Variants in CAST observed in about 807,000 individuals in gnomAD.
CAST encodes the protein MIR583 host.
CAST carries 76 observed loss-of-function variants against 119.6 expected under a neutral mutation model. The ratio of observed to expected loss-of-function variants is 0.64; its 90% CI spans 0.53 to 0.77. CAST has a LOEUF of 0.77. Among genes scored for constraint, CAST ranks in the 30% least tolerant of loss-of-function variants. The pLI is 0.00. For synonymous variants in CAST, 319 were observed against 331.6 expected (o/e 0.96, Z 0.41); for missense variants, 953 against 946.5 (o/e 1.01, Z -0.09).
chr5:96,637,177 A>G (rs1747898491), intron 1 of CAST, among the ~76,000 whole-genome samples: 1 of 152,188 alleles, frequency 6.6e-6, no homozygotes, highest in Admixed American at 6.5e-5. Flanking sequence ...ATGTAATTTT[A>G]TTACTATATT....
chr5:96,747,246 C>T, intron 17 of CAST, 99 bp from the exon 18 acceptor site: 2 of 680,210 alleles, frequency 2.9e-6, no homozygotes. Flanking sequence ...AAAAAATTAG[C>T]TGACATTTCA....
chr5:96,769,388 T>C (rs973116368), intron 29 of CAST: 31 of 134,962 alleles, frequency 2.3e-4, no homozygotes, highest in African/African-American at 7.0e-4. Flanking sequence ...AAAACAGGGT[T>C]TTTTTTTGTT....
At chr5:96,028,898 A>G in the CAST span, among the ~76,000 whole-genome samples, 2,163 of 152,216 alleles carry the variant, frequency 0.014, 40 homozygotes, top group African/African-American at 0.049. Flanking sequence ...TGAGACTGTG[A>G]TACTGGTGAT....
chr5:96,486,632 A>G, the CAST span, among the ~76,000 whole-genome samples: 1 of 152,188 alleles, frequency 6.6e-6, no homozygotes, highest in Non-Finnish European at 1.5e-5. Flanking sequence ...CCTCCACTGC[A>G]TCAGCATTTC....
chr5:96,488,482 G>C, the CAST span, among the ~76,000 whole-genome samples: 1 of 152,258 alleles, frequency 6.6e-6, no homozygotes, highest in East Asian at 1.9e-4. Flanking sequence ...CTTCAAAATA[G>C]TGACAGCTTA....
At chr5:96,568,365 G>A (rs993058075) in intron 1 of CAST, among the ~76,000 whole-genome samples, 4 of 152,100 alleles carry the variant, frequency 2.6e-5, no homozygotes, top group Admixed American at 1.3e-4. Flanking sequence ...AGGAGTTAGA[G>A]ACCAGCCTGG....
At chr5:96,596,977 G>A (rs1045809936) in intron 1 of CAST, among the ~76,000 whole-genome samples, 11 of 152,034 alleles carry the variant, frequency 7.2e-5, no homozygotes, top group Non-Finnish European at 1.6e-4. Flanking sequence ...TCAGATTAGG[G>A]TCCAACCTCT....
chr5:96,542,235 C>CG (rs916765420), intron 1 of CAST, among the ~76,000 whole-genome samples: 3 of 149,796 alleles, frequency 2.0e-5, no homozygotes, highest in Non-Finnish European at 4.4e-5. Context: ...GCGTGAACCC[C>CG]GGGGGGCGGA....
intron 22 of CAST, 82 bp downstream of exon 22, chr5:96,754,823 C>G (rs888736586): frequency 8.7e-6 from 7 of 804,618 alleles, no homozygotes; most frequent in African/African-American, 3.5e-5. Flanking sequence ...GGGAACAGAA[C>G]TGGAATATAA....
chr5:96,217,908 A>C, the CAST span, among the ~76,000 whole-genome samples: 1 of 152,162 alleles, frequency 6.6e-6, no homozygotes, highest in Non-Finnish European at 1.5e-5. Context: ...TTCAACTGTG[A>C]AATTCATTAG....
chr5:96,109,496 G>C, the CAST span, among the ~76,000 whole-genome samples: 2 of 152,212 alleles, frequency 1.3e-5, no homozygotes, highest in Non-Finnish European at 2.9e-5. Context: ...TAAATTGTTT[G>C]TTGTGGAATT....
At chr5:96,275,185 G>A in the CAST span, among the ~76,000 whole-genome samples, 1 of 152,144 alleles carries the variant, frequency 6.6e-6, no homozygotes, top group African/African-American at 2.4e-5. Context: ...TGCTTGTTTC[G>A]TTGACAGTAA....
chr5:96,016,518 T>C, the CAST span, among the ~76,000 whole-genome samples: 1 of 152,214 alleles, frequency 6.6e-6, no homozygotes, highest in East Asian at 1.9e-4. Context: ...CTATACTGCA[T>C]CATGCACACA....
rs73774371 is a variant in CAST, at chr5:96,675,698, C to T, written c.138+97C>T. 3.0e-3 allele frequency: 2,634 copies of T among 866,470 alleles called. 54 individuals carry two copies. In the African/African-American group the frequency reaches 0.039, roughly 13 times the overall value. 53.7% of individuals were successfully genotyped at this position (866,470 alleles called of 1,614,324 possible). A position where few individuals can be genotyped will look rare whatever the true frequency, so the allele number is the denominator to read the frequency against. ...TAACGATGTAGCAAAGAGCTTCTAC[C>T]TTGCTTAATATTGGGAAATTTTGAT... On this transcript the variant is annotated intron_variant, in intron 2 of 31. Transcript: ENST00000675179.
the CAST span, among the ~76,000 whole-genome samples, chr5:96,490,380 G>GTGTGTA: frequency 1.3e-5 from 2 of 150,988 alleles, no homozygotes; most frequent in Non-Finnish European, 2.9e-5. Flanking sequence ...GTGTGTGTGT[G>GTGTGTA]TATGTAAACA....
chr5:96,558,443 A>G (rs1261526751), intron 1 of CAST, among the ~76,000 whole-genome samples: 3 of 152,188 alleles, frequency 2.0e-5, no homozygotes, highest in South Asian at 2.1e-4. Context: ...AAGATCAACA[A>G]AATTGAGAGA....
At chr5:96,425,727 A>AT in the CAST span, 1 of 658,980 alleles carries the variant, frequency 1.5e-6, no homozygotes, top group Admixed American at 2.3e-5. Flanking sequence ...ATTCTCCATC[A>AT]TAAAAAAAAA....
the CAST span, among the ~76,000 whole-genome samples, chr5:96,001,694 TA>T: frequency 6.6e-6 from 1 of 152,252 alleles, no homozygotes; most frequent in East Asian, 1.9e-4. Context: ...GATATTTTGT[TA>T]AGAAGTATGT....
chr5:96,153,618 A>G, the CAST span, among the ~76,000 whole-genome samples: 3 of 152,330 alleles, frequency 2.0e-5, no homozygotes, highest in South Asian at 6.2e-4. Context: ...AAATGTGCAT[A>G]AGAATTTCTA....
Sources: allele counts gnomAD v4.1 joint callset (sites outside exome capture counted in the v4.1 genomes callset), GRCh38; gene constraint gnomAD v4.1.1; transcripts MANE v1.5; gene names NCBI Gene and HGNC (gene_info 2026-07-23, HGNC 2026-07-21).